PHYH: variants seen among roughly 807,000 people sequenced by gnomAD.
PHYH encodes phytanoyl-CoA dioxygenase, peroxisomal.
PHYH carries 32 observed loss-of-function variants against 38.5 expected under a neutral mutation model. The ratio of observed to expected loss-of-function variants is 0.83; its 90% CI spans 0.63 to 1.12. PHYH has a LOEUF of 1.12. Among genes scored for constraint, PHYH ranks in the 50% most tolerant of loss-of-function variants. The probability of loss-of-function intolerance (pLI) is 0.00; values close to 1 mark genes in which losing one functional copy is unlikely to be tolerated. For synonymous variants in PHYH, 166 were observed against 157.9 expected (o/e 1.05, Z -0.38); for missense variants, 426 against 434.8 (o/e 0.98, Z 0.18).
At chr10:13,293,773 C>G (rs1472358915) in intron 4 of PHYH, among the ~76,000 whole-genome samples, 1 of 152,122 alleles carries the variant, frequency 6.6e-6, no homozygotes, top group Admixed American at 6.6e-5. Flanking sequence ...TCCTAATTAA[C>G]AACATTTTTG....
At chr10:13,289,294 C>T (rs938947610) in intron 5 of PHYH, among the ~76,000 whole-genome samples, 26 of 152,150 alleles carry the variant, frequency 1.7e-4, no homozygotes, top group Non-Finnish European at 2.1e-4. Context: ...CTCCCAGGTT[C>T]ACGCCATTCT....
chr10:13,282,366 C>T (rs907930753), intron 7 of PHYH, among the ~76,000 whole-genome samples: 5 of 151,990 alleles, frequency 3.3e-5, no homozygotes, highest in Admixed American at 2.0e-4. Context: ...CAAGGTGAGA[C>T]GATCACTCAA....
At chr10:13,292,341 C>T (rs539338292) in intron 4 of PHYH, among the ~76,000 whole-genome samples, 27 of 152,160 alleles carry the variant, frequency 1.8e-4, no homozygotes, top group Non-Finnish European at 3.8e-4. Flanking sequence ...GCTTGGAGGA[C>T]ATTTGACAAT....
chr10:13,290,644 T>TC (rs1030891286), intron 5 of PHYH, among the ~76,000 whole-genome samples: 5 of 151,844 alleles, frequency 3.3e-5, no homozygotes, highest in African/African-American at 1.2e-4. Context: ...CCAGCGATCC[T>TC]CCCCCCGCAG....
intron 6 of PHYH, among the ~76,000 whole-genome samples, 196 bp downstream of exon 6, chr10:13,288,164 A>G (rs1835601564): frequency 6.6e-6 from 1 of 152,218 alleles, no homozygotes; most frequent in South Asian, 2.1e-4. Flanking sequence ...ACAAACAAAA[A>G]AAGTGTTGAA....
At position 13,291,684 on chromosome 10, in the gene PHYH, T is replaced by C. The variant is rs141360371; in HGVS notation, c.496+147A>G. ...TTTTAGAGACAGAGCCTCACTATGTTGCCCAGGCCACTCTCAAACTCCTGG... is the reference window on the plus strand; with the variant it reads ...TTTTAGAGACAGAGCCTCACTATGTCGCCCAGGCCACTCTCAAACTCCTGG... On this transcript the variant is annotated intron_variant, in intron 5 of 8. Transcript: ENST00000263038. 1,872 of 668,756 alleles carry C rather than the reference T, an allele frequency of 2.8e-3. 6 individuals carry two copies. Among genetic ancestry groups the C allele is most frequent in the Middle Eastern group, 6.8e-3 (19 of 2,812 alleles). The allele number at this position is 668,756 out of a possible 1,614,324, so 41.4% of individuals were successfully genotyped here.
rs1046006137 is a variant in PHYH, at chr10:13,295,615, G to C, written c.135-9C>G. 9.6e-7 allele frequency: 1 copy of C among 1,043,406 alleles called. No individual in the cohort carries two copies. The highest frequency in any genetic ancestry group is 1.6e-5 in the African/African-American group (1 of 64,396). 64.6% of individuals were successfully genotyped at this position (1,043,406 alleles called of 1,614,324 possible). On this transcript the variant is annotated splice_polypyrimidine_tract_variant and intron_variant, in intron 2 of 8. Coordinates refer to ENST00000263038, the MANE Select transcript of PHYH (RefSeq NM_006214.4). ...TATTATCCAGAGTATACCTAAAGGA[G>C]AAAAAGAATCCCAAAATAAGTTACA...
At chr10:13,289,997 G>A (rs533692600) in intron 5 of PHYH, among the ~76,000 whole-genome samples, 3 of 145,408 alleles carry the variant, frequency 2.1e-5, no homozygotes, top group Admixed American at 6.9e-5. Flanking sequence ...GGACGGGCAC[G>A]GTGGCTCACG....
rs141793844 is a variant in PHYH, at chr10:13,278,213, G to A, written c.*88C>T. 1 of 871,834 alleles carries A rather than the reference G, an allele frequency of 1.1e-6. No individual in the cohort carries two copies. The allele number at this position is 871,834 out of a possible 1,614,324, so 54.0% of individuals were successfully genotyped here. ...CTGCTTTTAACAAGTGATAGAAAAGGTTACATCATCTCATTAAGAAAACAT... is the reference window on the plus strand; with the variant it reads ...CTGCTTTTAACAAGTGATAGAAAAGATTACATCATCTCATTAAGAAAACAT... On this transcript the variant is annotated 3_prime_UTR_variant, in exon 9 of 9. Coordinates refer to ENST00000263038, the MANE Select transcript of PHYH (RefSeq NM_006214.4).
At chr10:13,289,214 G>A (rs1407334863) in intron 5 of PHYH, among the ~76,000 whole-genome samples, 1 of 152,078 alleles carries the variant, frequency 6.6e-6, no homozygotes, top group Non-Finnish European at 1.5e-5. Flanking sequence ...ATTGTTTTTT[G>A]AGACGGAGTC....
intron 6 of PHYH, among the ~76,000 whole-genome samples, chr10:13,284,337 TA>T (rs1373815960): frequency 6.6e-6 from 1 of 150,894 alleles, no homozygotes; most frequent in Non-Finnish European, 1.5e-5. Context: ...ATAATGGTAA[TA>T]AAAAAAAAGA....
In PHYH at chr10:13,294,443, G is replaced by A. The variant is rs1835789883; in HGVS notation, c.399C>T (p.Tyr133=). ...DFQEDKELFR[Y]CTLPEILKYV... ...GGTCTCTGACCTCGGGGAGAGTGCA[G>A]TATCTGAAGAGCTCCTTATCTTCCT... is the stretch of plus-strand genomic sequence containing the variant. Residue 133 remains tyrosine, a synonymous_variant, in exon 4 of 9, where the codon TAC becomes TAT. Coordinates refer to ENST00000263038, the MANE Select transcript of PHYH (RefSeq NM_006214.4). The A allele has an allele frequency of 1.2e-6, 2 of 1,614,066 alleles. No homozygotes were observed. The highest frequency in any genetic ancestry group is 1.7e-6 in the Non-Finnish European group (2 of 1,179,986).
intron 5 of PHYH, among the ~76,000 whole-genome samples, chr10:13,290,297 A>T (rs963690930): frequency 3.3e-5 from 5 of 152,050 alleles, no homozygotes; most frequent in Non-Finnish European, 5.9e-5. Flanking sequence ...TCCATTTCAA[A>T]AAAAATAAAA....
At chr10:13,296,899 A>T (rs1832569764) in intron 2 of PHYH, among the ~76,000 whole-genome samples, 1 of 151,928 alleles carries the variant, frequency 6.6e-6, no homozygotes, top group Non-Finnish European at 1.5e-5. Flanking sequence ...GCTTGCAGTG[A>T]AGCAAGATGG....
At chr10:13,287,192 A>T (rs12570802) in intron 6 of PHYH, among the ~76,000 whole-genome samples, 10,237 of 152,082 alleles carry the variant, frequency 0.067, 465 homozygotes, top group South Asian at 0.17. Context: ...TACAAAAATT[A>T]GCTGGGTGTG....
intron 5 of PHYH, among the ~76,000 whole-genome samples, chr10:13,290,843 T>A (rs1835691903): frequency 6.6e-6 from 1 of 152,172 alleles, no homozygotes; most frequent in Non-Finnish European, 1.5e-5. Flanking sequence ...ACACCTGTAA[T>A]CCCAGCACTT....
chr10:13,288,557 G>A lies in PHYH; in HGVS notation c.497-16C>T, dbSNP rs1407519108. 1.9e-6 allele frequency: 3 copies of A among 1,613,316 alleles called. No individual in the cohort carries two copies. The highest frequency in any genetic ancestry group is 2.2e-5 in the East Asian group (1 of 44,868). Reference sequence around the variant, plus strand: ...GTCTTCTTGCCTGAAAAGAAAACCTGCTACTAAAGGATACTCGAGGCCGAG... The same window carrying A: ...GTCTTCTTGCCTGAAAAGAAAACCTACTACTAAAGGATACTCGAGGCCGAG... On this transcript the variant is annotated splice_polypyrimidine_tract_variant and intron_variant, in intron 5 of 8. Coordinates refer to ENST00000263038, the MANE Select transcript of PHYH (RefSeq NM_006214.4).
intron 5 of PHYH, among the ~76,000 whole-genome samples, chr10:13,291,060 C>A (rs146407895): frequency 7.2e-6 from 1 of 138,654 alleles, no homozygotes; most frequent in Non-Finnish European, 1.5e-5. Context: ...GCCAAGATCG[C>A]GCTATCGCAC....
intron 7 of PHYH, among the ~76,000 whole-genome samples, chr10:13,283,162 G>A (rs1462414070): frequency 6.0e-5 from 8 of 133,458 alleles, no homozygotes; most frequent in East Asian, 2.1e-4. Context: ...ACGGAGTCTC[G>A]CTGTCGCCCA....
Sources: gnomAD v4.1 joint callset for allele counts (sites outside exome capture counted in the v4.1 genomes callset) on GRCh38, gnomAD v4.1.1 for gene constraint, MANE v1.5 for transcripts, NCBI Gene and HGNC (gene_info 2026-07-23, HGNC 2026-07-21) for gene names.